Variants in PAGE2B observed in about 807,000 individuals in gnomAD.
The protein encoded by PAGE2B is PAGE family member 2B, also known as putative G antigen family E member 3.
In PAGE2B, 5 loss-of-function variants were observed where a neutral mutation model predicts 7.6. The observed-to-expected ratio is 0.66, with a 90% CI of 0.34 to 1.38. The LOEUF (loss-of-function observed/expected upper bound fraction) is 1.38, where lower values mean the gene tolerates loss of function less well. PAGE2B is among the 40% of genes most tolerant of loss of function. The probability of loss-of-function intolerance (pLI) is 0.04; values close to 1 mark genes in which losing one functional copy is unlikely to be tolerated. For synonymous variants in PAGE2B, 29 were observed against 26.7 expected (o/e 1.09, Z -0.27); for missense variants, 70 against 78.4 (o/e 0.89, Z 0.41).
chrX:55,038,143 T>G, the PAGE2B span, among the ~76,000 whole-genome samples: 39 of 110,383 alleles, frequency 3.5e-4, no homozygotes, highest in Admixed American at 3.5e-3. Flanking sequence ...AGCAAATCCC[T>G]CCCTGCCCCA....
At chrX:55,039,990 A>G in the PAGE2B span, among the ~76,000 whole-genome samples, 1 of 111,853 alleles carries the variant, frequency 8.9e-6, no homozygotes, top group South Asian at 3.7e-4. Flanking sequence ...TAAGTATATT[A>G]CGTATTAAAC....
the PAGE2B span, among the ~76,000 whole-genome samples, chrX:55,052,727 A>C: frequency 8.9e-6 from 1 of 112,869 alleles, no homozygotes; most frequent in African/African-American, 3.2e-5. Context: ...TTTGACTAGG[A>C]ATGGGAATTC....
the PAGE2B span, among the ~76,000 whole-genome samples, chrX:55,061,078 G>C: frequency 9.0e-6 from 1 of 111,005 alleles, no homozygotes; most frequent in Non-Finnish European, 1.9e-5. Flanking sequence ...GATGGTAAGG[G>C]TGTACAGAGG....
At chrX:55,042,653 C>CAAAAAAAA in the PAGE2B span, among the ~76,000 whole-genome samples, 48 of 11,882 alleles carry the variant, frequency 4.0e-3, 7 homozygotes, top group South Asian at 0.052. Flanking sequence ...GACTCCGTCT[C>CAAAAAAAA]AAAAAAAAAA....
At chrX:55,043,693 C>T in the PAGE2B span, among the ~76,000 whole-genome samples, 7 of 111,118 alleles carry the variant, frequency 6.3e-5, no homozygotes, top group African/African-American at 1.6e-4. Flanking sequence ...TAGGGCCGGG[C>T]GCAGTGGCTC....
chrX:55,068,877 C>A, the PAGE2B span, among the ~76,000 whole-genome samples: 1 of 111,781 alleles, frequency 8.9e-6, no homozygotes, highest in South Asian at 3.8e-4. Context: ...GTGATTTTTG[C>A]ACATTGATTT....
intron 2 of PAGE2B, 85 bp downstream of exon 2, chrX:55,076,210 G>A: frequency 2.0e-6 from 2 of 1,016,618 alleles, no homozygotes; most frequent in Non-Finnish European, 2.7e-6. Context: ...CACTGATACA[G>A]GTGTTCCATG....
chrX:55,036,804 G>T, the PAGE2B span, among the ~76,000 whole-genome samples: 2 of 109,649 alleles, frequency 1.8e-5, no homozygotes, highest in South Asian at 7.7e-4. Context: ...ATGGGGAAAG[G>T]ATTCCCTATT....
At chrX:55,037,615 C>T in the PAGE2B span, among the ~76,000 whole-genome samples, 15 of 110,350 alleles carry the variant, frequency 1.4e-4, no homozygotes, top group Admixed American at 7.8e-4. Context: ...ATGTTTATTG[C>T]GGCACTATTC....
At chrX:55,032,955 A>G in the PAGE2B span, among the ~76,000 whole-genome samples, 1 of 111,521 alleles carries the variant, frequency 9.0e-6, no homozygotes, top group Non-Finnish European at 1.9e-5. Flanking sequence ...AGTGAGCTCA[A>G]AGGTCATCAC....
upstream of PAGE2B, among the ~76,000 whole-genome samples, chrX:55,071,110 T>C (rs1233971590): frequency 8.9e-6 from 1 of 112,230 alleles, no homozygotes; most frequent in Non-Finnish European, 1.9e-5. Context: ...AATTAGTTTA[T>C]GCAGTTTCTT....
the PAGE2B span, among the ~76,000 whole-genome samples, chrX:55,046,139 AG>A: frequency 9.0e-6 from 1 of 111,147 alleles, no homozygotes; most frequent in African/African-American, 3.3e-5. Flanking sequence ...TTTTAGACAG[AG>A]TCTCATACTG....
upstream of PAGE2B, among the ~76,000 whole-genome samples, chrX:55,072,359 T>C (rs1297270711): frequency 1.8e-5 from 2 of 112,593 alleles, no homozygotes; most frequent in African/African-American, 6.5e-5. Context: ...CCATACCCTG[T>C]TCGCCTGGGC....
chrX:55,054,359 T>A, the PAGE2B span, among the ~76,000 whole-genome samples: 52 of 112,831 alleles, frequency 4.6e-4, no homozygotes, highest in African/African-American at 1.5e-3. Flanking sequence ...CAGTTCATTT[T>A]AAAAGTCTAT....
the PAGE2B span, among the ~76,000 whole-genome samples, chrX:55,045,908 G>A: frequency 9.0e-6 from 1 of 111,092 alleles, no homozygotes; most frequent in Admixed American, 9.7e-5. Context: ...GTCTATTTTA[G>A]GTTACTGGGG....
chrX:55,051,541 C>T, the PAGE2B span, among the ~76,000 whole-genome samples: 13 of 111,539 alleles, frequency 1.2e-4, no homozygotes, highest in South Asian at 7.6e-4. Flanking sequence ...CTTCTATTCA[C>T]GCTTCATTTC....
At chrX:55,051,930 C>A in the PAGE2B span, among the ~76,000 whole-genome samples, 1 of 111,546 alleles carries the variant, frequency 9.0e-6, no homozygotes, top group Non-Finnish European at 1.9e-5. Context: ...TTTTCCACAT[C>A]TTTGTGGTTT....
chrX:55,062,602 G>T, the PAGE2B span, among the ~76,000 whole-genome samples: 7 of 111,412 alleles, frequency 6.3e-5, no homozygotes, highest in African/African-American at 2.3e-4. Flanking sequence ...TTTTAAACTT[G>T]ATGTAATTCA....
At chrX:55,054,059 C>T in the PAGE2B span, among the ~76,000 whole-genome samples, 1 of 111,030 alleles carries the variant, frequency 9.0e-6, no homozygotes. Context: ...ACTAAAAATA[C>T]AAAAATTAGC....
Sources: gnomAD v4.1 joint callset for allele counts (sites outside exome capture counted in the v4.1 genomes callset) on GRCh38, gnomAD v4.1.1 for gene constraint, MANE v1.5 for transcripts, NCBI Gene and HGNC (gene_info 2026-07-23, HGNC 2026-07-21) for gene names.